Variants in PDE1A observed in about 807,000 individuals in gnomAD.
PDE1A encodes dual specificity calcium/calmodulin-dependent 3',5'-cyclic nucleotide phosphodiesterase 1A.
Under a neutral mutation model 61.7 loss-of-function variants are expected in PDE1A, and 35 were observed. The ratio of observed to expected loss-of-function variants is 0.57; its 90% CI spans 0.43 to 0.75. The LOEUF (loss-of-function observed/expected upper bound fraction) is 0.75. Among genes scored for constraint, PDE1A ranks in the 30% least tolerant of loss-of-function variants. PDE1A has a pLI of 0.00. For missense variants in PDE1A, 597 were observed against 630.6 expected (o/e 0.95, Z 0.57); for synonymous variants, 232 against 213.2 (o/e 1.09, Z -0.77).
chr2:182,185,787 C>T (rs1187752507), intron 13 of PDE1A, 105 bp downstream of exon 13: 2 of 1,562,672 alleles, frequency 1.3e-6, no homozygotes, highest in East Asian at 2.3e-5. Flanking sequence ...CCATCAAGGG[C>T]TTACATATTC....
At chr2:182,584,260 T>C in the PDE1A span, among the ~76,000 whole-genome samples, 1 of 151,926 alleles carries the variant, frequency 6.6e-6, no homozygotes, top group Non-Finnish European at 1.5e-5. Flanking sequence ...CACAGCAGTG[T>C]TGGACTTAGA....
intron 2 of PDE1A, among the ~76,000 whole-genome samples, chr2:182,457,202 T>G (rs1443181076): frequency 6.6e-6 from 1 of 152,030 alleles, no homozygotes; most frequent in African/African-American, 2.4e-5. Flanking sequence ...ATATAAGGAA[T>G]TTTCTGCCCT....
chr2:182,264,243 G>C, intron 2 of PDE1A, 58 bp downstream of exon 2: 1 of 1,171,916 alleles, frequency 8.5e-7, no homozygotes, highest in Non-Finnish European at 1.2e-6. Flanking sequence ...GGTCAAGAAA[G>C]AGGAAGAAAA....
intron 13 of PDE1A, among the ~76,000 whole-genome samples, chr2:182,148,738 T>C (rs1160177386): frequency 6.6e-6 from 1 of 152,184 alleles, no homozygotes; most frequent in Non-Finnish European, 1.5e-5. Flanking sequence ...CCTGCCACCA[T>C]TTAACTCTTT....
rs1246398105 is a variant in PDE1A, at chr2:182,386,811, TCCACCCGGCC to T, written c.53+39757_53+39766del. On this transcript the variant is annotated intron_variant, in intron 1 of 13. Transcript: ENST00000351439. ...GTCTGGGAGGGAGGTGGGGGGCACC[TCCACCCGGCC>T]GCCGCCCCGTCTGGGAGGTGGGGGG... Among the ~76,000 whole-genome samples the T allele has an allele frequency of 1.6e-4, 23 of 147,098 alleles. No homozygotes were observed. The South Asian group carries it at 3.7e-3, about 24-fold the overall frequency.
intron 1 of PDE1A, among the ~76,000 whole-genome samples, chr2:182,280,676 G>A (rs541567289): frequency 2.0e-5 from 3 of 151,796 alleles, no homozygotes; most frequent in East Asian, 3.9e-4. Flanking sequence ...TCAAAAATTC[G>A]CTAAAATAAC....
chr2:182,294,789 G>A (rs2125897955), intron 1 of PDE1A, among the ~76,000 whole-genome samples: 1 of 152,246 alleles, frequency 6.6e-6, no homozygotes, highest in South Asian at 2.1e-4. Context: ...TAATCAAGCA[G>A]TTAATAGTGG....
chr2:182,490,188 T>G (rs1688290161), intron 2 of PDE1A, among the ~76,000 whole-genome samples: 1 of 152,100 alleles, frequency 6.6e-6, no homozygotes, highest in Non-Finnish European at 1.5e-5. Context: ...ATCAATGACT[T>G]TTAACAACAG....
At chr2:182,368,095 C>T (rs140321787) in intron 1 of PDE1A, among the ~76,000 whole-genome samples, 3 of 152,234 alleles carry the variant, frequency 2.0e-5, no homozygotes, top group Non-Finnish European at 4.4e-5. Flanking sequence ...CTATCTCCAC[C>T]TACTTATATT....
At chr2:182,353,516 T>G (rs972168257) in intron 1 of PDE1A, among the ~76,000 whole-genome samples, 1 of 152,086 alleles carries the variant, frequency 6.6e-6, no homozygotes, top group African/African-American at 2.4e-5. Context: ...GGAAAACAGA[T>G]AGAAAAATAA....
intron 1 of PDE1A, among the ~76,000 whole-genome samples, chr2:182,270,378 C>G (rs976123832): frequency 6.6e-6 from 1 of 151,912 alleles, no homozygotes; most frequent in African/African-American, 2.4e-5. Flanking sequence ...TTTTTATAAC[C>G]AAGTACTCTG....
chr2:182,240,514 T>C (rs754754272), intron 2 of PDE1A, among the ~76,000 whole-genome samples: 15 of 152,174 alleles, frequency 9.9e-5, no homozygotes, highest in Non-Finnish European at 1.9e-4. Flanking sequence ...ACTTGAGCAT[T>C]TGCAGCTTCC....
chr2:182,398,465 C>G (rs531400453), intron 1 of PDE1A, among the ~76,000 whole-genome samples: 1 of 152,056 alleles, frequency 6.6e-6, no homozygotes, highest in African/African-American at 2.4e-5. Flanking sequence ...ACCATTGACT[C>G]TTTATCCTCT....
chr2:182,202,617 C>T (rs776995137), intron 8 of PDE1A, among the ~76,000 whole-genome samples: 17 of 152,210 alleles, frequency 1.1e-4, no homozygotes, highest in Non-Finnish European at 2.1e-4. Flanking sequence ...CTCCTCTGTG[C>T]CAAGCTTCCA....
In PDE1A at chr2:182,243,788, C is replaced by G. The variant is rs16822938; in HGVS notation, c.168-3496G>C. Among the ~76,000 whole-genome samples, 1,326 of 152,180 alleles carry G rather than the reference C, an allele frequency of 8.7e-3. 11 individuals carry two copies. The highest frequency in any genetic ancestry group is 0.011 in the Non-Finnish European group (755 of 68,008). ...TGGAAGTTCACTACTTTTCAAAGACCGTAATTGGTATTGAGTTGGGTATCA... is the reference window on the plus strand; with the variant it reads ...TGGAAGTTCACTACTTTTCAAAGACGGTAATTGGTATTGAGTTGGGTATCA... On this transcript the variant is annotated intron_variant, in intron 2 of 13. Coordinates refer to ENST00000351439, the Ensembl canonical transcript of PDE1A.
intron 3 of PDE1A, among the ~76,000 whole-genome samples, chr2:182,235,922 T>G (rs1344316295): frequency 1.3e-5 from 2 of 152,250 alleles, no homozygotes; most frequent in Non-Finnish European, 2.9e-5. Context: ...ACTCAGTTTC[T>G]ATGTAAAAGC....
chr2:182,399,411 GAA>G (rs1222605393), intron 1 of PDE1A, among the ~76,000 whole-genome samples: 1 of 151,754 alleles, frequency 6.6e-6, no homozygotes, highest in African/African-American at 2.4e-5. Flanking sequence ...CTAATCCCCG[GAA>G]ACTCCTGATA....
intron 1 of PDE1A, among the ~76,000 whole-genome samples, chr2:182,420,255 T>C (rs950894507): frequency 2.6e-5 from 4 of 152,108 alleles, no homozygotes; most frequent in Non-Finnish European, 5.9e-5. Context: ...AGAATAGATA[T>C]GTCTTTGGCA....
the PDE1A span, among the ~76,000 whole-genome samples, chr2:182,603,326 G>A: frequency 1.3e-5 from 2 of 152,082 alleles, no homozygotes; most frequent in African/African-American, 4.8e-5. Context: ...GAAGAGGTGA[G>A]TTGAAGTTTT....
Sources: allele counts gnomAD v4.1 joint callset (sites outside exome capture counted in the v4.1 genomes callset), GRCh38; gene constraint gnomAD v4.1.1; transcripts MANE v1.5; gene names NCBI Gene and HGNC (gene_info 2026-07-23, HGNC 2026-07-21).